Variants in BABAM2 observed in about 807,000 individuals in gnomAD.
The protein encoded by BABAM2 is BRISC and BRCA1-A complex member 2.
In BABAM2, 31 loss-of-function variants were observed where a neutral mutation model predicts 54.7. The ratio of observed to expected loss-of-function variants is 0.57; its 90% CI spans 0.43 to 0.77. BABAM2 has a LOEUF of 0.77. BABAM2 is among the 30% of genes least tolerant of loss of function. BABAM2 has a pLI of 0.00. For missense variants in BABAM2, 364 were observed against 455.8 expected (o/e 0.80, Z 1.83); for synonymous variants, 167 against 162.9 (o/e 1.03, Z -0.19).
chr2:28,278,428 G>T (rs1354661678), intron 10 of BABAM2, among the ~76,000 whole-genome samples: 2 of 152,192 alleles, frequency 1.3e-5, no homozygotes, highest in Non-Finnish European at 2.9e-5. Flanking sequence ...AAAGGACTTG[G>T]TGAACACTCA....
intron 4 of BABAM2, among the ~76,000 whole-genome samples, chr2:28,003,313 G>A (rs1673710241): frequency 6.6e-6 from 1 of 152,132 alleles, no homozygotes; most frequent in Non-Finnish European, 1.5e-5. Flanking sequence ...ATTGATTGCT[G>A]GATCCTAGCT....
chr2:28,024,676 A>C (rs1027318135), intron 4 of BABAM2, among the ~76,000 whole-genome samples: 2 of 152,148 alleles, frequency 1.3e-5, no homozygotes, highest in Non-Finnish European at 2.9e-5. Flanking sequence ...CGCATTTGGC[A>C]GACATTTTCC....
intron 7 of BABAM2, among the ~76,000 whole-genome samples, chr2:28,173,967 G>A (rs1223009610): frequency 6.6e-6 from 1 of 152,070 alleles, no homozygotes; most frequent in East Asian, 1.9e-4. Context: ...AGGATGAAGG[G>A]CAAGATAAAG....
intron 3 of BABAM2, among the ~76,000 whole-genome samples, chr2:27,933,400 A>G (rs1668239614): frequency 1.3e-5 from 2 of 152,082 alleles, no homozygotes; most frequent in African/African-American, 4.8e-5. Context: ...AGGAAAAGGT[A>G]ATTGATCATG....
intron 7 of BABAM2, among the ~76,000 whole-genome samples, chr2:28,188,235 G>A (rs894439934): frequency 1.2e-4 from 18 of 152,018 alleles, no homozygotes; most frequent in Non-Finnish European, 1.0e-4. Flanking sequence ...CTACACATTG[G>A]CATAAAGTCC....
At chr2:28,267,728 G>A (rs768243096) in intron 10 of BABAM2, among the ~76,000 whole-genome samples, 6 of 152,220 alleles carry the variant, frequency 3.9e-5, no homozygotes, top group Non-Finnish European at 7.3e-5. Flanking sequence ...GGGGCCATAG[G>A]GGTCAGGCCC....
intron 2 of BABAM2, among the ~76,000 whole-genome samples, chr2:27,912,709 T>C (rs558286794): frequency 5.3e-5 from 8 of 152,284 alleles, no homozygotes; most frequent in African/African-American, 1.7e-4. Flanking sequence ...AGCAGTCATG[T>C]TGCAAGATTG....
intron 7 of BABAM2, among the ~76,000 whole-genome samples, chr2:28,166,678 A>C (rs1037487472): frequency 6.6e-6 from 1 of 152,144 alleles, no homozygotes; most frequent in Non-Finnish European, 1.5e-5. Context: ...ACCTATGGCC[A>C]CAACTCCACT....
intron 6 of BABAM2, among the ~76,000 whole-genome samples, chr2:28,099,339 A>AACTGCACACCCCGAGGCCTCTTGGG (rs1666874836): frequency 6.6e-6 from 1 of 152,158 alleles, no homozygotes; most frequent in Non-Finnish European, 1.5e-5. Flanking sequence ...CAAGAACATA[A>AACTGCACACCCCGAGGCCTCTTGGG]ACTGCACACC....
chr2:28,177,222 C>G (rs1281400359), intron 7 of BABAM2, among the ~76,000 whole-genome samples: 1 of 151,474 alleles, frequency 6.6e-6, no homozygotes, highest in Non-Finnish European at 1.5e-5. Flanking sequence ...TCAGCAGAAA[C>G]TTTACAGGCC....
At chr2:27,979,983 T>G (rs1558633726) in intron 3 of BABAM2, among the ~76,000 whole-genome samples, 2 of 152,148 alleles carry the variant, frequency 1.3e-5, no homozygotes, top group Non-Finnish European at 2.9e-5. Context: ...TAAAATCTAC[T>G]TTGTATTTAA....
At chr2:27,894,793 C>A in intron 2 of BABAM2, 109 bp downstream of exon 2, 1 of 1,284,224 alleles carries the variant, frequency 7.8e-7, no homozygotes, top group Non-Finnish European at 1.1e-6. Context: ...AGAAACCCAC[C>A]AAGTCATCAT....
At chr2:28,063,277 C>T (rs1422581403) in intron 6 of BABAM2, among the ~76,000 whole-genome samples, 1 of 152,174 alleles carries the variant, frequency 6.6e-6, no homozygotes, top group Admixed American at 6.5e-5. Flanking sequence ...CAGCACTGTC[C>T]AGTACCAATA....
intron 6 of BABAM2, among the ~76,000 whole-genome samples, chr2:28,081,969 G>A (rs1321977040): frequency 1.3e-5 from 2 of 152,120 alleles, no homozygotes; most frequent in Non-Finnish European, 2.9e-5. Context: ...TGCATTTTGT[G>A]CTTTTTAATA....
chr2:27,958,503 A>G (rs1253706769), intron 3 of BABAM2, among the ~76,000 whole-genome samples: 1 of 149,414 alleles, frequency 6.7e-6, no homozygotes, highest in African/African-American at 2.4e-5. Context: ...ATGTATATAT[A>G]TAACATATAT....
chr2:28,005,765 A>G (rs1673910389), intron 4 of BABAM2, among the ~76,000 whole-genome samples: 2 of 152,136 alleles, frequency 1.3e-5, no homozygotes, highest in African/African-American at 4.8e-5. Flanking sequence ...GTATTGTATA[A>G]TGAATCCCCA....
chr2:28,181,937 G>A (rs2147885432), intron 7 of BABAM2, among the ~76,000 whole-genome samples: 2 of 152,244 alleles, frequency 1.3e-5, no homozygotes, highest in East Asian at 3.9e-4. Context: ...AGGTGTCAGA[G>A]TGAGCCATGA....
At chr2:28,073,742 T>A (rs1401604352) in intron 6 of BABAM2, among the ~76,000 whole-genome samples, 4 of 152,132 alleles carry the variant, frequency 2.6e-5, no homozygotes, top group Non-Finnish European at 5.9e-5. Context: ...GAAAAAAGAT[T>A]GTATAGGATT....
intron 3 of BABAM2, among the ~76,000 whole-genome samples, chr2:27,983,938 G>A (rs1204518941): frequency 3.1e-4 from 3 of 9,600 alleles, no homozygotes; most frequent in South Asian, 4.4e-3. Context: ...GATACATTTT[G>A]TACCTTTTTT....
Sources: allele counts gnomAD v4.1 joint callset (sites outside exome capture counted in the v4.1 genomes callset), GRCh38; gene constraint gnomAD v4.1.1; transcripts MANE v1.5; gene names NCBI Gene and HGNC (gene_info 2026-07-23, HGNC 2026-07-21).